Variants in SLIT3 observed in about 807,000 individuals in gnomAD.
The protein encoded by SLIT3 is slit guidance ligand 3, also known as slit homolog 3 protein.
Under a neutral mutation model 184.0 loss-of-function variants are expected in SLIT3, and 68 were observed. The observed-to-expected ratio is 0.37, with a 90% CI of 0.30 to 0.45. SLIT3 has a LOEUF of 0.45. SLIT3 is among the 20% of genes least tolerant of loss of function. The pLI is 1.00. For synonymous variants in SLIT3, 831 were observed against 828.6 expected, an observed-to-expected ratio of 1.00 and a Z score of -0.05; for missense variants, 1,707 against 2,026.0, an observed-to-expected ratio of 0.84 and a Z score of 3.02.
rs1185017862 is a variant in SLIT3, at chr5:169,095,796, C to T, written c.413+97683G>A. On this transcript the variant is annotated intron_variant, in intron 4 of 35. Transcript: ENST00000519560. The stretch of plus-strand genomic sequence containing the variant: ...TGGCACTTGTGGTTCCTTGACATCT[C>T]GTTCCTGCCCCACCACAGAAGTCTA... Among the ~76,000 whole-genome samples the T allele has an allele frequency of 2.0e-5, 3 of 152,192 alleles. 1 individual carries two copies. The highest frequency in any genetic ancestry group is 4.1e-4 in the South Asian group (2 of 4,830).
intron 4 of SLIT3, among the ~76,000 whole-genome samples, chr5:169,059,499 A>G (rs1413867489): frequency 6.6e-6 from 1 of 152,158 alleles, no homozygotes; most frequent in Non-Finnish European, 1.5e-5. Context: ...GTAGAAGGGC[A>G]GTGATTTGAA....
At chr5:169,135,124 G>A (rs1413575739) in intron 4 of SLIT3, among the ~76,000 whole-genome samples, 1 of 152,128 alleles carries the variant, frequency 6.6e-6, no homozygotes, top group Non-Finnish European at 1.5e-5. Flanking sequence ...TTGTTTTTTG[G>A]AGACGGAGTC....
chr5:169,041,965 C>A (rs1427887085), intron 4 of SLIT3, among the ~76,000 whole-genome samples: 2 of 152,172 alleles, frequency 1.3e-5, no homozygotes, highest in Admixed American at 6.5e-5. Context: ...TTGATCTCTT[C>A]CCTCATTTAA....
At chr5:168,856,798 T>TGC (rs1200202279) in intron 5 of SLIT3, among the ~76,000 whole-genome samples, 10 of 142,056 alleles carry the variant, frequency 7.0e-5, no homozygotes, top group African/African-American at 2.6e-4. Flanking sequence ...TGTGTGTGTG[T>TGC]GTGTGTGTGC....
intron 12 of SLIT3, among the ~76,000 whole-genome samples, chr5:168,778,262 T>C (rs999057633): frequency 1.3e-5 from 2 of 152,206 alleles, no homozygotes; most frequent in Admixed American, 1.3e-4. Flanking sequence ...ATTTTTCTGA[T>C]AAGAAAACAG....
chr5:168,886,823 A>C (rs1049124742), intron 4 of SLIT3, among the ~76,000 whole-genome samples: 3 of 152,184 alleles, frequency 2.0e-5, no homozygotes, highest in African/African-American at 7.2e-5. Flanking sequence ...TGCATTAGCT[A>C]AAGTGCATTT....
chr5:169,270,635 T>C (rs1386270030), intron 1 of SLIT3, among the ~76,000 whole-genome samples: 1 of 152,092 alleles, frequency 6.6e-6, no homozygotes, highest in Non-Finnish European at 1.5e-5. Context: ...CATGGCTGTC[T>C]GCTGACCCTG....
chr5:169,105,396 G>T (rs978412743), intron 4 of SLIT3, among the ~76,000 whole-genome samples: 1 of 152,182 alleles, frequency 6.6e-6, no homozygotes, highest in Non-Finnish European at 1.5e-5. Flanking sequence ...CCCAAGGTAC[G>T]ACTTCTCGCC....
chr5:168,875,043 G>C (rs1181634818), intron 5 of SLIT3, among the ~76,000 whole-genome samples: 2 of 144,144 alleles, frequency 1.4e-5, no homozygotes, highest in East Asian at 3.9e-4. Flanking sequence ...GGAATAAAAA[G>C]GAAGAGTGGA....
At chr5:169,069,057 C>T (rs11134556) in intron 4 of SLIT3, among the ~76,000 whole-genome samples, 6,125 of 152,230 alleles carry the variant, frequency 0.04, 165 homozygotes, top group Middle Eastern at 0.082. Flanking sequence ...CAATGGCTGC[C>T]CTTTATTGAA....
intron 20 of SLIT3, among the ~76,000 whole-genome samples, chr5:168,739,303 C>A (rs1176898550): frequency 1.3e-5 from 2 of 152,168 alleles, no homozygotes; most frequent in African/African-American, 4.8e-5. Flanking sequence ...AAGTGCAGTT[C>A]CACACTACAA....
chr5:168,701,986 G>A (rs1187091482), intron 26 of SLIT3, among the ~76,000 whole-genome samples: 1 of 152,220 alleles, frequency 6.6e-6, no homozygotes, highest in Non-Finnish European at 1.5e-5. Context: ...TCAAACACCA[G>A]AGCCTCAGGC....
intron 12 of SLIT3, among the ~76,000 whole-genome samples, chr5:168,779,321 G>A (rs1477537721): frequency 6.6e-6 from 1 of 152,168 alleles, no homozygotes; most frequent in African/African-American, 2.4e-5. Context: ...AGGCGGTGGA[G>A]GTACCCTGTT....
intron 3 of SLIT3, among the ~76,000 whole-genome samples, chr5:169,217,251 G>A (rs560313642): frequency 6.6e-6 from 1 of 152,056 alleles, no homozygotes; most frequent in Admixed American, 6.6e-5. Flanking sequence ...CAGCAAGCAG[G>A]GTGTAAACAA....
intron 6 of SLIT3, among the ~76,000 whole-genome samples, chr5:168,842,477 T>G (rs1248443204): frequency 6.9e-6 from 1 of 144,548 alleles, no homozygotes; most frequent in Non-Finnish European, 1.5e-5. Context: ...TCGTTTTTTT[T>G]TTTTTTTTTT....
At chr5:168,858,013 CTCT>C (rs1382479287) in intron 5 of SLIT3, among the ~76,000 whole-genome samples, 2 of 152,250 alleles carry the variant, frequency 1.3e-5, no homozygotes, top group Non-Finnish European at 2.9e-5. Flanking sequence ...TCCTGCTCAG[CTCT>C]TCTGTGTCTT....
intron 4 of SLIT3, among the ~76,000 whole-genome samples, chr5:169,087,480 T>G (rs1419342936): frequency 6.6e-6 from 1 of 152,226 alleles, no homozygotes; most frequent in Non-Finnish European, 1.5e-5. Flanking sequence ...GGACTAAGAA[T>G]GCACCCCTGG....
At chr5:169,159,464 C>A (rs1762404686) in intron 4 of SLIT3, among the ~76,000 whole-genome samples, 1 of 150,978 alleles carries the variant, frequency 6.6e-6, no homozygotes, top group South Asian at 2.1e-4. Context: ...AAAACAGAGA[C>A]TGGTAGATTT....
intron 1 of SLIT3, among the ~76,000 whole-genome samples, chr5:169,258,024 C>T (rs1341335006): frequency 6.6e-6 from 1 of 152,184 alleles, no homozygotes; most frequent in African/African-American, 2.4e-5. Context: ...CTAATCCAGA[C>T]AGCAACCATA....
Sources: gnomAD v4.1 joint callset for allele counts (sites outside exome capture counted in the v4.1 genomes callset) on GRCh38, gnomAD v4.1.1 for gene constraint, MANE v1.5 for transcripts, NCBI Gene and HGNC (gene_info 2026-07-23, HGNC 2026-07-21) for gene names.